The following SESTD1 variants were observed in gnomAD, a reference collection of about 807,000 sequenced individuals.
SESTD1 encodes SEC14 domain and spectrin repeat-containing protein 1.
SESTD1 carries 43 observed loss-of-function variants against 101.7 expected under a neutral mutation model. The observed-to-expected ratio is 0.42, with a 90% CI of 0.33 to 0.55. The LOEUF (loss-of-function observed/expected upper bound fraction) is 0.55, where lower values mean the gene tolerates loss of function less well. SESTD1 is among the 20% of genes least tolerant of loss of function. The pLI is 0.07. For missense variants in SESTD1, 647 were observed against 815.1 expected, an observed-to-expected ratio of 0.79 and a Z score of 2.51; for synonymous variants, 283 against 286.8, an observed-to-expected ratio of 0.99 and a Z score of 0.13.
At chr2:179,203,928 A>G (rs1390513418) in intron 1 of SESTD1, among the ~76,000 whole-genome samples, 1 of 134,276 alleles carries the variant, frequency 7.4e-6, no homozygotes, top group African/African-American at 3.0e-5. Context: ...ACAAATAAAT[A>G]AAGTGAGGAC....
intron 3 of SESTD1, among the ~76,000 whole-genome samples, chr2:179,178,501 AAC>A (rs561563686): frequency 6.6e-6 from 1 of 152,168 alleles, no homozygotes; most frequent in South Asian, 2.1e-4. Context: ...GAGAGAAACA[AAC>A]CTGACACACA....
chr2:179,136,286 TA>T (rs1455504559), intron 9 of SESTD1, among the ~76,000 whole-genome samples: 1 of 152,218 alleles, frequency 6.6e-6, no homozygotes, highest in East Asian at 1.9e-4. Flanking sequence ...TAATAATTGT[TA>T]GCCTCTATGC....
At chr2:179,237,845 C>G (rs1348738479) in intron 1 of SESTD1, among the ~76,000 whole-genome samples, 2 of 152,062 alleles carry the variant, frequency 1.3e-5, no homozygotes, top group Non-Finnish European at 2.9e-5. Context: ...AACAGAGATC[C>G]AGTCATGGCA....
intron 1 of SESTD1, among the ~76,000 whole-genome samples, chr2:179,219,211 G>A (rs2046768877): frequency 1.3e-5 from 2 of 152,178 alleles, no homozygotes; most frequent in African/African-American, 4.8e-5. Context: ...TTCAGCAGCA[G>A]AAAACAGAAT....
At chr2:179,146,265 A>G (rs1038814589) in intron 8 of SESTD1, 137 bp downstream of exon 8, 7 of 737,750 alleles carry the variant, frequency 9.5e-6, no homozygotes, top group South Asian at 1.6e-5. Context: ...CCACAAAACC[A>G]GTCCCTGGTC....
chr2:179,228,102 C>T (rs910446011), intron 1 of SESTD1, among the ~76,000 whole-genome samples: 11 of 152,208 alleles, frequency 7.2e-5, no homozygotes, highest in African/African-American at 2.7e-4. Flanking sequence ...CTATCAATCA[C>T]TGAGACAATA....
intron 8 of SESTD1, among the ~76,000 whole-genome samples, chr2:179,144,817 A>G (rs2045358949): frequency 6.6e-6 from 1 of 152,022 alleles, no homozygotes; most frequent in Non-Finnish European, 1.5e-5. Flanking sequence ...AGGACCTAGT[A>G]GCATATAAAA....
At chr2:179,125,167 T>C (rs2044841591) in intron 10 of SESTD1, among the ~76,000 whole-genome samples, 1 of 152,098 alleles carries the variant, frequency 6.6e-6, no homozygotes, top group African/African-American at 2.4e-5. Context: ...TAAAAACGTG[T>C]CATCATATAC....
In SESTD1 at chr2:179,203,694, G is replaced by C. The variant is rs903742048; in HGVS notation, c.-25-11828C>G. Among the ~76,000 whole-genome samples the C allele has an allele frequency of 1.5e-5, 2 of 134,670 alleles. 1 individual carries two copies. The highest frequency in any genetic ancestry group is 5.7e-4 in the South Asian group (2 of 3,498). The allele number at this position is 134,670 out of a possible 152,430, so 88.3% of individuals were successfully genotyped here. ...AGGGGTTGTGGGTGATGAGAACCTTGATTTGCAGCCAAGTCAGACAGAAGT... is the reference window on the plus strand; with the variant it reads ...AGGGGTTGTGGGTGATGAGAACCTTCATTTGCAGCCAAGTCAGACAGAAGT... On this transcript the variant is annotated intron_variant, in intron 1 of 17. Transcript: ENST00000428443.
chr2:179,171,201 A>C (rs1400184593), intron 5 of SESTD1, among the ~76,000 whole-genome samples: 1 of 152,188 alleles, frequency 6.6e-6, no homozygotes, highest in African/African-American at 2.4e-5. Flanking sequence ...AAATGAATTA[A>C]TTTCACTGCA....
intron 1 of SESTD1, among the ~76,000 whole-genome samples, chr2:179,226,670 G>A (rs983123175): frequency 1.3e-5 from 2 of 151,782 alleles, no homozygotes; most frequent in African/African-American, 4.8e-5. Context: ...AAAGATTTTG[G>A]GCATGATGCA....
chr2:179,166,451 A>G (rs949165168), intron 5 of SESTD1, among the ~76,000 whole-genome samples: 4 of 152,188 alleles, frequency 2.6e-5, no homozygotes, highest in African/African-American at 9.6e-5. Flanking sequence ...CACAGGTGGA[A>G]GAAGGGAAAA....
intron 1 of SESTD1, among the ~76,000 whole-genome samples, chr2:179,257,930 C>T (rs1015245087): frequency 2.0e-5 from 3 of 152,298 alleles, no homozygotes; most frequent in Admixed American, 1.3e-4. Flanking sequence ...AACCACCAGT[C>T]TTCAAAGGGT....
chr2:179,174,170 A>G (rs2045970485), intron 4 of SESTD1, among the ~76,000 whole-genome samples: 1 of 152,100 alleles, frequency 6.6e-6, no homozygotes, highest in African/African-American at 2.4e-5. Context: ...GAGAAACCAC[A>G]CCCCTCATTT....
intron 1 of SESTD1, among the ~76,000 whole-genome samples, chr2:179,255,271 A>G (rs1454133746): frequency 6.6e-6 from 1 of 152,264 alleles, no homozygotes; most frequent in Non-Finnish European, 1.5e-5. Context: ...TTACTCAGGA[A>G]GGTATGTCTA....
intron 9 of SESTD1, among the ~76,000 whole-genome samples, chr2:179,139,707 C>A (rs2045235755): frequency 6.6e-6 from 1 of 152,098 alleles, no homozygotes; most frequent in African/African-American, 2.4e-5. Context: ...GTCTGAGGGG[C>A]CCCACAAGAC....
intron 9 of SESTD1, among the ~76,000 whole-genome samples, chr2:179,136,920 A>G (rs2045158793): frequency 6.6e-6 from 1 of 152,176 alleles, no homozygotes; most frequent in African/African-American, 2.4e-5. Context: ...GCCTTAATAT[A>G]GGCTGAAAGT....
At chr2:179,198,051 T>C (rs1028664075) in intron 1 of SESTD1, among the ~76,000 whole-genome samples, 2 of 152,176 alleles carry the variant, frequency 1.3e-5, no homozygotes, top group African/African-American at 4.8e-5. Flanking sequence ...CAGTGTGCTG[T>C]ATTCAGGAAA....
intron 1 of SESTD1, among the ~76,000 whole-genome samples, chr2:179,213,157 T>C (rs115710817): frequency 0.018 from 2,468 of 134,792 alleles, 490 homozygotes; most frequent in Non-Finnish European, 0.026. Flanking sequence ...TGTAACAAAT[T>C]GACAGAAGTA....
Sources: gnomAD v4.1 joint callset for allele counts (sites outside exome capture counted in the v4.1 genomes callset) on GRCh38, gnomAD v4.1.1 for gene constraint, MANE v1.5 for transcripts, NCBI Gene and HGNC (gene_info 2026-07-23, HGNC 2026-07-21) for gene names.